Variants in GALNT9 observed in about 807,000 individuals in gnomAD.
GALNT9 encodes GalNAc transferase 9.
In GALNT9, 47 loss-of-function variants were observed where a neutral mutation model predicts 63.1. The observed-to-expected ratio is 0.75, with a 90% CI of 0.59 to 0.95. The LOEUF (loss-of-function observed/expected upper bound fraction) is 0.95. Among genes scored for constraint, GALNT9 ranks in the 40% least tolerant of loss-of-function variants. The pLI is 0.00. For missense variants in GALNT9, 829 were observed against 874.8 expected, an observed-to-expected ratio of 0.95 and a Z score of 0.66; for synonymous variants, 396 against 365.7, an observed-to-expected ratio of 1.08 and a Z score of -0.94.
At chr12:132,254,290 G>A (rs556887496) in intron 5 of GALNT9, among the ~76,000 whole-genome samples, 14 of 152,294 alleles carry the variant, frequency 9.2e-5, no homozygotes, top group African/African-American at 2.6e-4. Flanking sequence ...AAATACCGGC[G>A]TAAGCCACTG....
At chr12:132,262,429 G>C in intron 3 of GALNT9, 30 bp downstream of exon 3, 1 of 1,536,474 alleles carries the variant, frequency 6.5e-7, no homozygotes, top group Non-Finnish European at 8.8e-7. Flanking sequence ...GCCGCCCGGC[G>C]AGCACCGTGC....
intron 6 of GALNT9, among the ~76,000 whole-genome samples, chr12:132,235,321 G>A (rs1458560615): frequency 2.6e-5 from 4 of 151,782 alleles, no homozygotes; most frequent in Non-Finnish European, 5.9e-5. Context: ...GGTCATTGGA[G>A]CTGGGACCCG....
chr12:132,314,283 A>T (rs947781946), intron 1 of GALNT9, among the ~76,000 whole-genome samples: 2 of 151,352 alleles, frequency 1.3e-5, no homozygotes, highest in Non-Finnish European at 2.9e-5. Context: ...AGCACATACT[A>T]TACATCAGGC....
intron 1 of GALNT9, among the ~76,000 whole-genome samples, chr12:132,291,728 C>T (rs77759977): frequency 2.7e-5 from 4 of 145,936 alleles, no homozygotes; most frequent in Admixed American, 7.0e-5. Context: ...ACAGCACCCA[C>T]GTCCACACCT....
At chr12:132,263,295 C>A (rs1432885784) in intron 2 of GALNT9, among the ~76,000 whole-genome samples, 2 of 152,190 alleles carry the variant, frequency 1.3e-5, no homozygotes, top group African/African-American at 2.4e-5. Flanking sequence ...TTTCATCACT[C>A]AGAAAAATGC....
chr12:132,201,128 C>A lies in GALNT9; in HGVS notation c.1397G>T (p.Gly466Val). The A allele has an allele frequency of 6.2e-7, 1 of 1,613,052 alleles. No individual in the cohort carries two copies. The highest frequency in any genetic ancestry group is 8.5e-7 in the Non-Finnish European group (1 of 1,179,614). The change falls in exon 8 of 11, where the codon GGA becomes GTA. Residue 466 changes from glycine to valine, a missense_variant. Coordinates refer to ENST00000328957, the MANE Select transcript of GALNT9 (RefSeq NM_001122636.2). ...MRVYNNTLTY[G>V]EVRNSKASAY... ...GGCCCTCGGGGGAGGTGCTACCTCT[C>A]CGTACGTGAGGGTGTTGTTGTAGAC... is the stretch of plus-strand genomic sequence containing the variant.
At chr12:132,304,421 CCGGG>C (rs2135577762) in intron 1 of GALNT9, among the ~76,000 whole-genome samples, 3 of 98,154 alleles carry the variant, frequency 3.1e-5, no homozygotes, top group Non-Finnish European at 2.0e-5. Context: ...ACGCCCTCAC[CCGGG>C]CACAGCCTCG....
rs56179207 is a variant in GALNT9 at position 132,282,231 on chromosome 12, G to C, written c.419+4019C>G. ...GAGGAATCAGCTCCACTGCAGCAAG[G>C]CCAGGCCTGGGGTCCCACATCCCAC... is the stretch of plus-strand genomic sequence containing the variant. On this transcript the variant is annotated intron_variant, in intron 2 of 10. Transcript: ENST00000328957. This position sits in a 1 kb window ranked among gnomAD's most constrained non-coding sequence, Gnocchi z 4.5. 8.6e-5 allele frequency among the ~76,000 whole-genome samples: 11 copies of C among 127,240 alleles called. No homozygotes were observed. Among genetic ancestry groups the C allele is most frequent in the African/African-American group, 2.7e-4 (9 of 33,038 alleles). 83.5% of individuals were successfully genotyped at this position (127,240 alleles called of 152,430 possible).
intron 1 of GALNT9, among the ~76,000 whole-genome samples, chr12:132,306,063 C>G (rs1360217674): frequency 6.6e-6 from 1 of 152,190 alleles, no homozygotes; most frequent in Non-Finnish European, 1.5e-5. Flanking sequence ...CTCAGGACAG[C>G]AGCGGCCACC....
rs1188385498 is a variant in GALNT9 at position 132,197,032 on chromosome 12, C to T, written c.*75G>A. The T allele has an allele frequency of 3.8e-6, 6 of 1,583,336 alleles. No homozygotes were observed. Among genetic ancestry groups the T allele is most frequent in the Non-Finnish European group, 5.2e-6 (6 of 1,163,002 alleles). On this transcript the variant is annotated 3_prime_UTR_variant, in exon 11 of 11. Coordinates refer to ENST00000328957, the MANE Select transcript of GALNT9 (RefSeq NM_001122636.2). ...CCTGTCCTGCTGTGTCTGCCGGGCA[C>T]ACCCCGGTCACTCAGCCACACTGGC...
chr12:132,309,867 C>T lies in GALNT9; in HGVS notation c.238+19099G>A, dbSNP rs550425943. ...AGAGGGCAAGGGCCCAGCAGACGCC[C>T]GGGCCACCACCCGTCCCCTGTTCTT... On this transcript the variant is annotated intron_variant, in intron 1 of 10. Coordinates refer to ENST00000328957, the MANE Select transcript of GALNT9 (RefSeq NM_001122636.2). Among the ~76,000 whole-genome samples the T allele has an allele frequency of 1.8e-3, 275 of 152,344 alleles. 1 individual carries two copies. The highest frequency in any genetic ancestry group is 6.1e-3 in the African/African-American group (252 of 41,570).
At chr12:132,221,909 G>A (rs752600571) in intron 6 of GALNT9, among the ~76,000 whole-genome samples, 20 of 152,064 alleles carry the variant, frequency 1.3e-4, no homozygotes, top group Non-Finnish European at 2.6e-4. Context: ...AAAAGCAAGA[G>A]AATAATAGTC....
At chr12:132,225,822 AC>A (rs1877652060) in intron 6 of GALNT9, among the ~76,000 whole-genome samples, 1 of 129,018 alleles carries the variant, frequency 7.8e-6, no homozygotes, top group African/African-American at 3.1e-5. Context: ...GTACATGCAT[AC>A]CCTCACACAC....
At chr12:132,256,569 G>A (rs887390176) in intron 5 of GALNT9, among the ~76,000 whole-genome samples, 3 of 132,156 alleles carry the variant, frequency 2.3e-5, no homozygotes, top group African/African-American at 5.7e-5. Context: ...GGGGGGACAC[G>A]GGGGACACTG....
intron 1 of GALNT9, among the ~76,000 whole-genome samples, chr12:132,304,247 A>G (rs868947394): frequency 6.2e-4 from 16 of 25,760 alleles, no homozygotes; most frequent in Admixed American, 9.5e-4. Context: ...ACCCTCACCC[A>G]GACACACCCT....
intron 6 of GALNT9, among the ~76,000 whole-genome samples, chr12:132,206,510 G>A (rs1364244566): frequency 1.3e-5 from 2 of 152,188 alleles, no homozygotes; most frequent in African/African-American, 4.8e-5. Flanking sequence ...AGCTGGGCAT[G>A]GTGGCAGATG....
chr12:132,282,591 C>T lies in GALNT9; in HGVS notation c.419+3659G>A, dbSNP rs1271276855. ...CCCTGGAAGCTCCAAGCTCTCCCCTCTTGATGATAAGGTTGCTGCAGCTCC... is the reference window on the plus strand; with the variant it reads ...CCCTGGAAGCTCCAAGCTCTCCCCTTTTGATGATAAGGTTGCTGCAGCTCC... On this transcript the variant is annotated intron_variant, in intron 2 of 10. Transcript: ENST00000328957. This position sits in a 1 kb window ranked among gnomAD's most constrained non-coding sequence, Gnocchi z 4.5. 6.6e-6 allele frequency among the ~76,000 whole-genome samples: 1 copy of T among 152,050 alleles called. No homozygotes were observed.
intron 2 of GALNT9, among the ~76,000 whole-genome samples, chr12:132,267,800 C>CACACACACTCACACAT (rs138324682): frequency 1.4e-5 from 2 of 140,018 alleles, no homozygotes; most frequent in African/African-American, 6.1e-5. Flanking sequence ...CGCACTCACA[C>CACACACACTCACACAT]GCACTCACAC....
In GALNT9 at chr12:132,286,130, C is replaced by T. The variant is rs567254220; in HGVS notation, c.419+120G>A. 93 of 1,228,610 alleles carry T rather than the reference C, an allele frequency of 7.6e-5. No homozygotes were observed. In the African/African-American group the frequency reaches 7.8e-4, roughly 10 times the overall value. The allele number at this position is 1,228,610 out of a possible 1,614,324, so 76.1% of individuals were successfully genotyped here. ...GCGTGGGGGGCGGTCACTTCCCTGGCGGGCGTGGGGGCCGCTCACTTCCCC... is the reference window on the plus strand; with the variant it reads ...GCGTGGGGGGCGGTCACTTCCCTGGTGGGCGTGGGGGCCGCTCACTTCCCC... On this transcript the variant is annotated intron_variant, in intron 2 of 10. Coordinates refer to ENST00000328957, the MANE Select transcript of GALNT9 (RefSeq NM_001122636.2). This position sits in a 1 kb window ranked among gnomAD's most constrained non-coding sequence, Gnocchi z 7.4.
Sources: allele counts gnomAD v4.1 joint callset (sites outside exome capture counted in the v4.1 genomes callset), GRCh38; gene constraint gnomAD v4.1.1; non-coding constraint Gnocchi (gnomAD v3.1); transcripts MANE v1.5; gene names NCBI Gene and HGNC (gene_info 2026-07-23, HGNC 2026-07-21).